COL1A2: variants seen among roughly 807,000 people sequenced by gnomAD.
COL1A2 encodes collagen type I alpha 2 chain.
COL1A2 carries 49 observed loss-of-function variants against 174.3 expected under a neutral mutation model. The observed-to-expected ratio is 0.28, with a 90% CI of 0.22 to 0.36. The LOEUF is 0.36. Ranked by LOEUF, COL1A2 falls within the 10% of genes least tolerant of loss-of-function variation. COL1A2 has a pLI of 1.00. For synonymous variants in COL1A2, 655 were observed against 606.6 expected (o/e 1.08, Z -1.17); for missense variants, 1,438 against 1,822.7 (o/e 0.79, Z 3.84).
At chr7:94,406,429 G>C in intron 12 of COL1A2, 126 bp downstream of exon 12, 1 of 836,664 alleles carries the variant, frequency 1.2e-6, no homozygotes, top group Middle Eastern at 2.6e-4. Flanking sequence ...TTTCTTTCCT[G>C]TACTTCAAAT....
At position 94,427,191 on chromosome 7, in the gene COL1A2, C is replaced by T. The variant is rs1249891493; in HGVS notation, c.3163C>T (p.Pro1055Ser). The change falls in exon 48 of 52, where the codon CCT (proline) becomes TCT (serine). Residue 1055 changes from proline (P) to serine (S), a missense_variant. Physicochemically the swap from Pro to Ser is moderately conservative, Grantham distance 74. Transcript: ENST00000297268. Reference protein sequence around the residue: ...GSVGPAGPRGPAGPSGPAGKD... With the variant: ...GSVGPAGPRGSAGPSGPAGKD... ...ACCTGGTGTCTGTCTTCCTTAGGGC[C>T]CTGCTGGTCCTTCTGGCCCTGCTGG... The T allele has an allele frequency of 6.2e-7, 1 of 1,613,854 alleles. No individual in the cohort carries two copies. The highest frequency in any genetic ancestry group is 1.7e-5 in the Admixed American group (1 of 59,990).
At chr7:94,420,111 G>C (rs561107972) in intron 34 of COL1A2, 122 bp from the exon 35 acceptor site, 4 of 1,245,670 alleles carry the variant, frequency 3.2e-6, no homozygotes, top group Non-Finnish European at 4.7e-6. Flanking sequence ...TGAGATGTGC[G>C]TCAGTTATCT....
At chr7:94,425,512 T>G (rs1792253935) in intron 42 of COL1A2, 98 bp from the exon 43 acceptor site, 2 of 1,244,910 alleles carry the variant, frequency 1.6e-6, no homozygotes, top group Non-Finnish European at 2.4e-6. Flanking sequence ...GGTTCGTTAC[T>G]GAGCACTGGA....
chr7:94,406,177 G>C, intron 11 of COL1A2, 73 bp from the exon 12 acceptor site: 1 of 1,481,004 alleles, frequency 6.8e-7, no homozygotes. Context: ...TAATGGCAAA[G>C]ATATACAATA....
intron 15 of COL1A2, 129 bp downstream of exon 15, chr7:94,408,509 G>A (rs754657508): frequency 3.7e-5 from 46 of 1,236,262 alleles, no homozygotes; most frequent in Non-Finnish European, 5.1e-5. Context: ...GTCTTTTGAA[G>A]GCTCCATTTA....
intron 40 of COL1A2, chr7:94,423,498 G>T (rs1042554518): frequency 4.5e-6 from 1 of 224,650 alleles, no homozygotes; most frequent in African/African-American, 2.3e-5. Context: ...ACTCTGAAAG[G>T]TGCCCCTATT....
chr7:94,414,220 A>G lies in COL1A2; in HGVS notation c.1666-2A>G. The G allele has an allele frequency of 6.2e-7, 1 of 1,614,102 alleles. No homozygotes were observed. The highest frequency in any genetic ancestry group is 8.5e-7 in the Non-Finnish European group (1 of 1,179,966). On this transcript the variant is annotated splice_acceptor_variant, in intron 28 of 51. Coordinates refer to ENST00000297268, the MANE Select transcript of COL1A2 (RefSeq NM_000089.4). LOFTEE classifies it high-confidence loss of function. ...GAGATTTGTATTTCTTTTCATTTTT[A>G]GGGTCTGCCTGGCCCCTCAGGTCCC...
At chr7:94,427,568 G>A in intron 48 of COL1A2, 59 bp from the exon 49 acceptor site, 1 of 1,592,180 alleles carries the variant, frequency 6.3e-7, no homozygotes, top group Non-Finnish European at 8.6e-7. Flanking sequence ...CTGCTGCCAT[G>A]GATGTCTCTC....
intron 40 of COL1A2, 152 bp downstream of exon 40, chr7:94,423,270 T>C: frequency 1.2e-6 from 1 of 863,846 alleles, no homozygotes; most frequent in Non-Finnish European, 1.9e-6. Flanking sequence ...CAGCACACAC[T>C]GAGGGGCTGT....
chr7:94,410,114 A>G, intron 19 of COL1A2, 128 bp from the exon 20 acceptor site: 1 of 942,636 alleles, frequency 1.1e-6, no homozygotes, highest in South Asian at 1.4e-5. Context: ...TTAAATATGA[A>G]CAGGGTACAT....
intron 34 of COL1A2, 27 bp downstream of exon 34, chr7:94,419,578 C>A: frequency 1.2e-6 from 2 of 1,613,796 alleles, no homozygotes; most frequent in Non-Finnish European, 1.7e-6. Context: ...ACTAAGCCAA[C>A]AGCAATATCT....
chr7:94,429,508 G>A lies in COL1A2; in HGVS notation c.3954+78G>A, dbSNP rs1792357229. 4.0e-6 allele frequency: 6 copies of A among 1,508,700 alleles called. No individual in the cohort carries two copies. In the East Asian group the frequency reaches 6.8e-5, roughly 17 times the overall value. 93.5% of individuals were successfully genotyped at this position (1,508,700 alleles called of 1,614,324 possible). The stretch of plus-strand genomic sequence containing the variant: ...TCTAACTTAGACTGCCCCCAAGGGG[G>A]GGTCTAAAGGGGGGTTAAAAGAACA... On this transcript the variant is annotated intron_variant, in intron 51 of 51. Transcript: ENST00000297268.
At chr7:94,396,189 T>G (rs1464423000) in intron 1 of COL1A2, among the ~76,000 whole-genome samples, 1 of 152,110 alleles carries the variant, frequency 6.6e-6, no homozygotes, top group African/African-American at 2.4e-5. Context: ...GCTGCCAAAG[T>G]GCTAGACAAA....
At chr7:94,397,809 T>C (rs746280001) in intron 2 of COL1A2, 51 bp downstream of exon 2, 1 of 1,051,498 alleles carries the variant, frequency 9.5e-7, no homozygotes, top group East Asian at 2.4e-5. Context: ...TTCCCTTGGC[T>C]ACAGTGATGT....
intron 12 of COL1A2, among the ~76,000 whole-genome samples, chr7:94,407,509 T>C (rs907925062): frequency 2.6e-5 from 4 of 152,192 alleles, no homozygotes; most frequent in Non-Finnish European, 4.4e-5. Context: ...ATAAATATGG[T>C]TACATTGAAA....
Position 94,422,721 on chromosome 7 carries a change from A to T in COL1A2, c.2404-236A>T, listed in dbSNP as rs144540759. The T allele has an allele frequency of 1.1e-3, 576 of 532,846 alleles. 5 individuals carry two copies. Among genetic ancestry groups the T allele is most frequent in the African/African-American group, 0.01 (529 of 52,566 alleles). The allele number at this position is 532,846 out of a possible 1,614,324, so 33.0% of individuals were successfully genotyped here. A position where few individuals can be genotyped will look rare whatever the true frequency, so the allele number is the denominator to read the frequency against. ...GCATGACATTGTTTTTCCTCATAGA[A>T]ATTTGCCATAGTCTCTCCTCCATTA... On this transcript the variant is annotated intron_variant, in intron 39 of 51. Transcript: ENST00000297268.
intron 41 of COL1A2, 48 bp from the exon 42 acceptor site, chr7:94,425,069 A>G (rs1183271348): frequency 6.5e-7 from 1 of 1,544,418 alleles, no homozygotes; most frequent in Non-Finnish European, 9.0e-7. Flanking sequence ...GAAGGTTAGC[A>G]TTCCATCGAA....
chr7:94,395,154 G>A (rs1243395178), intron 1 of COL1A2, 53 bp downstream of exon 1: 1 of 1,471,604 alleles, frequency 6.8e-7, no homozygotes, highest in African/African-American at 1.4e-5. Flanking sequence ...TTAGATGGGA[G>A]GGCACCCTGC....
At chr7:94,410,124 T>C in intron 19 of COL1A2, 118 bp from the exon 20 acceptor site, 1 of 1,025,966 alleles carries the variant, frequency 9.7e-7, no homozygotes, top group Non-Finnish European at 1.5e-6. Context: ...ACAGGGTACA[T>C]TTCCTAGAGA....
Sources: allele counts gnomAD v4.1 joint callset (sites outside exome capture counted in the v4.1 genomes callset), GRCh38; gene constraint gnomAD v4.1.1; transcripts MANE v1.5; gene names NCBI Gene and HGNC (gene_info 2026-07-23, HGNC 2026-07-21).